The following ARHGAP15 variants were observed in gnomAD, a reference collection of about 807,000 sequenced individuals.
The protein encoded by ARHGAP15 is Rho GTPase activating protein 15.
In ARHGAP15, 51 loss-of-function variants were observed where a neutral mutation model predicts 63.7. The ratio of observed to expected loss-of-function variants is 0.80; its 90% CI spans 0.64 to 1.01. ARHGAP15 has a LOEUF of 1.01. Among genes scored for constraint, ARHGAP15 ranks in the 50% least tolerant of loss-of-function variants. The probability of loss-of-function intolerance (pLI) is 0.00; values close to 1 mark genes in which losing one functional copy is unlikely to be tolerated. For missense variants in ARHGAP15, 560 were observed against 564.6 expected (o/e 0.99, Z 0.08); for synonymous variants, 191 against 193.8 (o/e 0.99, Z 0.12).
At chr2:143,140,812 A>G (rs962132687) in intron 1 of ARHGAP15, among the ~76,000 whole-genome samples, 7 of 152,182 alleles carry the variant, frequency 4.6e-5, no homozygotes, top group African/African-American at 1.4e-4. Context: ...CTTAATGAGA[A>G]CAAGGTGCAG....
At chr2:143,545,912 G>A (rs769622023) in intron 10 of ARHGAP15, among the ~76,000 whole-genome samples, 7 of 152,160 alleles carry the variant, frequency 4.6e-5, no homozygotes, top group African/African-American at 7.2e-5. Flanking sequence ...CACTGAAAAT[G>A]TTCGCTTTTC....
intron 10 of ARHGAP15, among the ~76,000 whole-genome samples, chr2:143,546,742 T>G (rs143958190): frequency 6.6e-6 from 1 of 152,240 alleles, no homozygotes; most frequent in East Asian, 1.9e-4. Context: ...ATCAGCATGA[T>G]CACAGCGTAA....
chr2:143,548,991 G>A (rs1559044581), intron 10 of ARHGAP15, among the ~76,000 whole-genome samples: 1 of 152,046 alleles, frequency 6.6e-6, no homozygotes, highest in Non-Finnish European at 1.5e-5. Flanking sequence ...ACACAGAAAA[G>A]GACAAGAGTA....
chr2:143,413,943 G>A, intron 6 of ARHGAP15, among the ~76,000 whole-genome samples: 1 of 88,504 alleles, frequency 1.1e-5, no homozygotes, highest in Middle Eastern at 5.5e-3. Context: ...GTGTGTGTGT[G>A]TGTGTGTGTG....
chr2:143,697,921 G>A (rs1387032546), intron 12 of ARHGAP15, among the ~76,000 whole-genome samples: 1 of 152,112 alleles, frequency 6.6e-6, no homozygotes, highest in Non-Finnish European at 1.5e-5. Flanking sequence ...CTAGAGAACT[G>A]CTATTCTTCC....
chr2:143,761,787 CTT>C (rs926280947), intron 13 of ARHGAP15, among the ~76,000 whole-genome samples: 9 of 152,054 alleles, frequency 5.9e-5, no homozygotes, highest in Admixed American at 2.0e-4. Context: ...CTAAAATAAA[CTT>C]AAGTTGATGG....
intron 8 of ARHGAP15, among the ~76,000 whole-genome samples, chr2:143,463,997 C>T (rs975999389): frequency 6.6e-6 from 1 of 152,206 alleles, no homozygotes; most frequent in Non-Finnish European, 1.5e-5. Flanking sequence ...TCACACCCTC[C>T]ATTCTCCTGT....
chr2:143,466,610 G>A lies in ARHGAP15; in HGVS notation c.704-20763G>A, dbSNP rs137922480. ...ATTCAGGCAAAAAGCAGGTAATTGA[G>A]AGGAGCTATTCTCTGGGTAATTCCA... On this transcript the variant is annotated intron_variant, in intron 8 of 13. Coordinates refer to ENST00000295095, the MANE Select transcript of ARHGAP15 (RefSeq NM_018460.4). Among the ~76,000 whole-genome samples, 402 of 152,212 alleles carry A rather than the reference G, an allele frequency of 2.6e-3. 3 individuals are homozygous for A. The highest frequency in any genetic ancestry group is 6.0e-3 in the Admixed American group (91 of 15,278).
chr2:143,703,575 G>T (rs894111234), intron 13 of ARHGAP15, 51 bp downstream of exon 13: 8 of 1,406,814 alleles, frequency 5.7e-6, no homozygotes, highest in Non-Finnish European at 7.9e-6. Flanking sequence ...TTTCCTAAAT[G>T]GGCAATATTG....
intron 2 of ARHGAP15, among the ~76,000 whole-genome samples, chr2:143,181,853 T>C (rs1691246772): frequency 6.6e-6 from 1 of 152,220 alleles, no homozygotes; most frequent in African/African-American, 2.4e-5. Flanking sequence ...TTCCTTTGCA[T>C]TCACAACTTG....
intron 12 of ARHGAP15, among the ~76,000 whole-genome samples, chr2:143,678,116 T>C (rs1023824714): frequency 2.6e-5 from 4 of 152,028 alleles, no homozygotes; most frequent in African/African-American, 9.7e-5. Flanking sequence ...GAGGCTGAGA[T>C]AGGAGAATCA....
At chr2:143,205,336 T>G (rs918514464) in intron 3 of ARHGAP15, among the ~76,000 whole-genome samples, 3 of 151,766 alleles carry the variant, frequency 2.0e-5, no homozygotes, top group African/African-American at 7.3e-5. Flanking sequence ...TACACTTCTG[T>G]TACCTTAATT....
At chr2:143,348,411 C>G (rs929125703) in intron 6 of ARHGAP15, among the ~76,000 whole-genome samples, 1 of 152,032 alleles carries the variant, frequency 6.6e-6, no homozygotes, top group Non-Finnish European at 1.5e-5. Flanking sequence ...GATATTTTAA[C>G]TCTTTCTTAA....
chr2:143,431,939 G>A (rs1316944321), intron 6 of ARHGAP15, among the ~76,000 whole-genome samples: 1 of 151,896 alleles, frequency 6.6e-6, no homozygotes, highest in Admixed American at 6.6e-5. Context: ...TACATCTTTG[G>A]TAATCTCCCC....
intron 2 of ARHGAP15, among the ~76,000 whole-genome samples, chr2:143,200,136 T>C (rs888742919): frequency 6.6e-6 from 1 of 152,046 alleles, no homozygotes; most frequent in Non-Finnish European, 1.5e-5. Context: ...TCCCTCAAAG[T>C]CAAGACAGTC....
chr2:143,656,433 GA>G (rs993936888), intron 12 of ARHGAP15, among the ~76,000 whole-genome samples: 14 of 152,306 alleles, frequency 9.2e-5, no homozygotes, highest in African/African-American at 3.4e-4. Flanking sequence ...TGCAAAAGTA[GA>G]AGAGGTACCC....
At chr2:143,129,561 A>G (rs1451834429) in intron 1 of ARHGAP15, 95 bp downstream of exon 1, 2 of 152,234 alleles carry the variant, frequency 1.3e-5, no homozygotes, top group African/African-American at 4.8e-5. Flanking sequence ...ACATTTCTAC[A>G]AAATATGACG....
intron 13 of ARHGAP15, among the ~76,000 whole-genome samples, chr2:143,743,330 C>T (rs1686031804): frequency 1.3e-5 from 2 of 152,278 alleles, no homozygotes; most frequent in African/African-American, 4.8e-5. Flanking sequence ...ACTGAATACA[C>T]ATTAGCTCCT....
At chr2:143,318,445 T>A (rs1683828159) in intron 6 of ARHGAP15, among the ~76,000 whole-genome samples, 1 of 150,570 alleles carries the variant, frequency 6.6e-6, no homozygotes, top group Non-Finnish European at 1.5e-5. Context: ...TTGGCAATTA[T>A]GAATCTAAAA....
Sources: allele counts gnomAD v4.1 joint callset (sites outside exome capture counted in the v4.1 genomes callset), GRCh38; gene constraint gnomAD v4.1.1; transcripts MANE v1.5; gene names NCBI Gene and HGNC (gene_info 2026-07-23, HGNC 2026-07-21).